Variants in RELCH observed in about 807,000 individuals in gnomAD.
RELCH encodes the protein RAB11-binding protein RELCH.
Under a neutral mutation model 150.3 loss-of-function variants are expected in RELCH, and 41 were observed. The ratio of observed to expected loss-of-function variants is 0.27; its 90% CI spans 0.21 to 0.35. The LOEUF (loss-of-function observed/expected upper bound fraction) is 0.35, where lower values mean the gene tolerates loss of function less well. Among genes scored for constraint, RELCH ranks in the 10% least tolerant of loss-of-function variants. The pLI is 1.00. For synonymous variants in RELCH, 478 were observed against 531.8 expected (o/e 0.90, Z 1.39); for missense variants, 1,092 against 1,467.8 (o/e 0.74, Z 4.18).
chr18:62,187,881 C>A lies in RELCH; in HGVS notation c.376C>A (p.Arg126=). 1 of 1,593,990 alleles carries A rather than the reference C, an allele frequency of 6.3e-7. No individual in the cohort carries two copies. The highest frequency in any genetic ancestry group is 8.5e-7 in the Non-Finnish European group (1 of 1,171,110). Residue 126 remains arginine, a synonymous_variant, in exon 1 of 29, where the codon CGG becomes AGG. Coordinates refer to ENST00000644646, the MANE Select transcript of RELCH (RefSeq NM_001346231.2). ...GTTAGAGAGTGGCCGGGAGCTGCCTCGGCTGCGCGACTACTTCTCCAATCC... is the reference window on the plus strand; with the variant it reads ...GTTAGAGAGTGGCCGGGAGCTGCCTAGGCTGCGCGACTACTTCTCCAATCC... ...ELLESGRELP[R]LRDYFSNPGN...
At chr18:62,290,997 G>T (rs902091859) in intron 26 of RELCH, among the ~76,000 whole-genome samples, 1 of 152,132 alleles carries the variant, frequency 6.6e-6, no homozygotes, top group Non-Finnish European at 1.5e-5. Context: ...AATCACATCT[G>T]TAATGCAGTT....
intron 1 of RELCH, among the ~76,000 whole-genome samples, chr18:62,204,559 T>G (rs566168183): frequency 6.6e-6 from 1 of 152,170 alleles, no homozygotes; most frequent in South Asian, 2.1e-4. Flanking sequence ...CTCAAACCCC[T>G]CAAACAGTCC....
intron 28 of RELCH, among the ~76,000 whole-genome samples, chr18:62,301,709 C>T (rs2045671853): frequency 6.6e-6 from 1 of 152,048 alleles, no homozygotes; most frequent in Non-Finnish European, 1.5e-5. Flanking sequence ...AGGAACCACA[C>T]CTTGAGAATC....
At chr18:62,288,424 C>T (rs1437107411) in intron 26 of RELCH, among the ~76,000 whole-genome samples, 1 of 152,068 alleles carries the variant, frequency 6.6e-6, no homozygotes, top group Admixed American at 6.5e-5. Flanking sequence ...TACTAACAGT[C>T]ATTGACACTG....
At chr18:62,219,317 CT>C (rs1224380183) in intron 2 of RELCH, among the ~76,000 whole-genome samples, 9 of 90,116 alleles carry the variant, frequency 1.0e-4, no homozygotes, top group African/African-American at 2.1e-4. Context: ...GTTTTTTTTT[CT>C]TTTTTTCTTT....
intron 11 of RELCH, among the ~76,000 whole-genome samples, chr18:62,247,859 A>G (rs1477705142): frequency 6.6e-6 from 1 of 152,160 alleles, no homozygotes; most frequent in Non-Finnish European, 1.5e-5. Flanking sequence ...TAAATTTCAC[A>G]TATCAATAAA....
intron 10 of RELCH, among the ~76,000 whole-genome samples, chr18:62,239,314 T>A (rs1431159955): frequency 6.6e-6 from 1 of 151,988 alleles, no homozygotes; most frequent in Non-Finnish European, 1.5e-5. Context: ...GTAAAACTTT[T>A]ACAGAGGTGA....
chr18:62,297,858 C>T (rs1039409935), intron 27 of RELCH, among the ~76,000 whole-genome samples: 11 of 152,166 alleles, frequency 7.2e-5, no homozygotes, highest in Admixed American at 1.3e-4. Context: ...CCATCTCCTT[C>T]ATGTTTTTAC....
Position 62,208,633 on chromosome 18 carries a change from A to AT in RELCH, c.527-2514dup, listed in dbSNP as rs1390187931. Reference sequence around the variant, plus strand: ...GTACTAAGCCTAGTACCCAGTAGTTATTTTTTCTGCTCCTCTCCCTCCTTC... The same window carrying AT: ...GTACTAAGCCTAGTACCCAGTAGTTATTTTTTTCTGCTCCTCTCCCTCCTTC... On this transcript the variant is annotated intron_variant, in intron 1 of 28. Transcript: ENST00000644646. Among the ~76,000 whole-genome samples, 5 of 152,070 alleles carry AT rather than the reference A, an allele frequency of 3.3e-5. No homozygotes were observed. The South Asian group carries it at 6.2e-4, about 19-fold the overall frequency.
intron 22 of RELCH, among the ~76,000 whole-genome samples, chr18:62,278,842 CTTT>C (rs1174807809): frequency 1.3e-5 from 2 of 152,072 alleles, no homozygotes; most frequent in East Asian, 3.9e-4. Flanking sequence ...TTCTACTCAT[CTTT>C]TTTATTTTAC....
At chr18:62,269,570 A>G (rs920715613) in intron 20 of RELCH, 1 of 211,866 alleles carries the variant, frequency 4.7e-6, no homozygotes, top group Non-Finnish European at 1.0e-5. Flanking sequence ...TGTACATTGA[A>G]CCATCAGAAA....
intron 10 of RELCH, among the ~76,000 whole-genome samples, chr18:62,241,023 T>C (rs1868865911): frequency 6.6e-6 from 1 of 152,122 alleles, no homozygotes; most frequent in African/African-American, 2.4e-5. Flanking sequence ...ACAATCTTCC[T>C]GTGCAAAGCT....
In RELCH at chr18:62,237,957, A is replaced by G. The variant is rs537314737; in HGVS notation, c.1620+5530A>G. Among the ~76,000 whole-genome samples the G allele has an allele frequency of 2.6e-5, 4 of 151,928 alleles. No homozygotes were observed. The South Asian group carries it at 6.2e-4, about 24-fold the overall frequency. On this transcript the variant is annotated intron_variant, in intron 10 of 28. Coordinates refer to ENST00000644646, the MANE Select transcript of RELCH (RefSeq NM_001346231.2). ...AAGAAAAAAGTAACAACTTTACTCA[A>G]TCTTCAGGTTACAATTATAATATTT...
Position 62,283,787 on chromosome 18 carries a change from C to T in RELCH, c.3253+1343C>T. 1.3e-5 allele frequency among the ~76,000 whole-genome samples: 2 copies of T among 152,138 alleles called. 1 individual carries two copies. Among genetic ancestry groups the T allele is most frequent in the East Asian group, 3.9e-4 (2 of 5,192 alleles). ...GAACTCTGAAGGTGCTTTGACTTTT[C>T]GAGGCTGTAGTTGCTCTGAGGCAAG... On this transcript the variant is annotated intron_variant, in intron 25 of 28. Coordinates refer to ENST00000644646, the MANE Select transcript of RELCH (RefSeq NM_001346231.2).
At chr18:62,254,629 T>C (rs2042901887) in intron 12 of RELCH, 1 of 152,162 alleles carries the variant, frequency 6.6e-6, no homozygotes, top group African/African-American at 2.4e-5. Context: ...GGGATCTATC[T>C]AGCCGCCTAC....
intron 28 of RELCH, among the ~76,000 whole-genome samples, chr18:62,304,042 CT>C (rs2045779660): frequency 6.6e-6 from 1 of 152,126 alleles, no homozygotes; most frequent in African/African-American, 2.4e-5. Flanking sequence ...ATTAAATTCA[CT>C]GTTAGAAAGA....
At chr18:62,252,808 A>C in intron 12 of RELCH, 54 bp downstream of exon 12, 3 of 1,300,984 alleles carry the variant, frequency 2.3e-6, no homozygotes, top group Non-Finnish European at 3.3e-6. Flanking sequence ...TTTCTTAAGA[A>C]GATACATAGT....
At chr18:62,269,625 G>T (rs994655311) in intron 20 of RELCH, 3 of 184,238 alleles carry the variant, frequency 1.6e-5, no homozygotes, top group Non-Finnish European at 2.3e-5. Flanking sequence ...CAATCTGGTT[G>T]GTTGGCATCA....
rs148387504 is a variant in RELCH at position 62,195,280 on chromosome 18, C to CTGTGTGTGTGTGTGTG, written c.526+7267_526+7282dup. Among the ~76,000 whole-genome samples, 215 of 136,320 alleles carry CTGTGTGTGTGTGTGTG rather than the reference C, an allele frequency of 1.6e-3. 2 individuals carry two copies. The highest frequency in any genetic ancestry group is 4.6e-3 in the African/African-American group (181 of 38,942). The allele number at this position is 136,320 out of a possible 152,430, so 89.4% of individuals were successfully genotyped here. The stretch of plus-strand genomic sequence containing the variant: ...TTATTTGCTGGAATATACACACACT[C>CTGTGTGTGTGTGTGTG]TGTGTGTGTGTGTGTGTGTGTGTGT... On this transcript the variant is annotated intron_variant, in intron 1 of 28. Transcript: ENST00000644646.
Sources: allele counts gnomAD v4.1 joint callset (sites outside exome capture counted in the v4.1 genomes callset), GRCh38; gene constraint gnomAD v4.1.1; transcripts MANE v1.5; gene names NCBI Gene and HGNC (gene_info 2026-07-23, HGNC 2026-07-21).